PATJ: variants seen among roughly 807,000 people sequenced by gnomAD.
PATJ encodes the protein PATJ crumbs cell polarity complex component.
PATJ carries 190 observed loss-of-function variants against 224.9 expected under a neutral mutation model. That is an observed-to-expected ratio of 0.84 (90% CI 0.75 to 0.95). The LOEUF is 0.95. Among genes scored for constraint, PATJ ranks in the 40% least tolerant of loss-of-function variants. PATJ has a pLI of 0.00. For missense variants in PATJ, 2,121 were observed against 2,270.3 expected, an observed-to-expected ratio of 0.93 and a Z score of 1.34; for synonymous variants, 769 against 820.3, an observed-to-expected ratio of 0.94 and a Z score of 1.07.
chr1:62,028,765 C>T (rs1240357511), intron 29 of PATJ, among the ~76,000 whole-genome samples: 1 of 151,600 alleles, frequency 6.6e-6, no homozygotes, highest in African/African-American at 2.4e-5. Context: ...ACCTGGGCAA[C>T]AGAAGAAGAC....
chr1:62,079,471 C>G lies in PATJ; in HGVS notation c.4147C>G (p.Gln1383Glu). 1 of 1,613,030 alleles carries G rather than the reference C, an allele frequency of 6.2e-7. No homozygotes were observed. Among genetic ancestry groups the G allele is most frequent in the South Asian group, 1.1e-5 (1 of 91,006 alleles). Residue 1383 changes from glutamine to glutamate, a missense_variant, in exon 32 of 44, where the codon CAA becomes GAA. By Grantham distance (29) the Gln-to-Glu change is conservative (BLOSUM62 2). Coordinates refer to ENST00000642238, the MANE Select transcript of PATJ (RefSeq NM_001350145.3). ...FKLAVSQMKQ[Q>E]KYPTKVSFSS... ...GTAGGCTGTCAGCCAGATGAAACAG[C>G]AAAAATATCCAACAAAAGTCTCCTT...
intron 31 of PATJ, among the ~76,000 whole-genome samples, chr1:62,077,761 T>C (rs1366821962): frequency 6.6e-6 from 1 of 151,968 alleles, no homozygotes; most frequent in Non-Finnish European, 1.5e-5. Context: ...AATCATTGCC[T>C]ATCAGCTGTT....
Position 62,066,287 on chromosome 1 carries a change from AACTAATAAGTG to A in PATJ, c.4126-13162_4126-13152del, listed in dbSNP as rs1405485836. On this transcript the variant is annotated intron_variant, in intron 31 of 43. Transcript: ENST00000642238. ...TATAGATAAGGAAACTGAGACACTC[AACTAATAAGTG>A]TCATAGCCAAGATTTGAATCCAACT... Among the ~76,000 whole-genome samples, 6 of 152,228 alleles carry A rather than the reference AACTAATAAGTG, an allele frequency of 3.9e-5. No homozygotes were observed. The South Asian group carries it at 6.2e-4, about 16-fold the overall frequency.
chr1:61,952,208 C>A, intron 27 of PATJ: 1 of 482,990 alleles, frequency 2.1e-6, no homozygotes, highest in Admixed American at 3.4e-5. Context: ...ATTGCTTTTC[C>A]TGATATAAAT....
At chr1:61,791,324 A>G (rs1649815594) in intron 8 of PATJ, 24 bp from the exon 9 acceptor site, 1 of 1,396,096 alleles carries the variant, frequency 7.2e-7, no homozygotes. Context: ...AGCATATATA[A>G]TTAAATTTGT....
chr1:61,904,738 T>C (rs982047749), intron 24 of PATJ, among the ~76,000 whole-genome samples: 2 of 152,248 alleles, frequency 1.3e-5, no homozygotes, highest in Admixed American at 1.3e-4. Context: ...TTCTTCACTT[T>C]TGGTTGCCTC....
chr1:62,154,294 T>G (rs1313776422), intron 43 of PATJ, among the ~76,000 whole-genome samples: 2 of 151,558 alleles, frequency 1.3e-5, no homozygotes, highest in Non-Finnish European at 2.9e-5. Flanking sequence ...GATACTACAG[T>G]TTTTTTTTCT....
chr1:61,851,400 TG>T (rs751336267), intron 17 of PATJ, among the ~76,000 whole-genome samples: 4 of 152,098 alleles, frequency 2.6e-5, no homozygotes, highest in African/African-American at 7.2e-5. Context: ...CAAGTGGCAG[TG>T]GGTCAGGGAG....
intron 26 of PATJ, among the ~76,000 whole-genome samples, chr1:61,919,598 T>C (rs2482860): frequency 0.87 from 132,049 of 152,094 alleles, 57,396 homozygotes; most frequent in Admixed American, 0.9. Context: ...AGCCACTGCC[T>C]CTAGCCTAAG....
intron 31 of PATJ, among the ~76,000 whole-genome samples, chr1:62,065,910 C>T (rs574651416): frequency 6.6e-6 from 1 of 152,348 alleles, no homozygotes; most frequent in African/African-American, 2.4e-5. Flanking sequence ...TGCTTGGGCA[C>T]TGTTCTCTGA....
At chr1:61,927,008 A>G (rs1198530466) in intron 26 of PATJ, among the ~76,000 whole-genome samples, 1 of 151,822 alleles carries the variant, frequency 6.6e-6, no homozygotes, top group Non-Finnish European at 1.5e-5. Context: ...GGCATGTTTT[A>G]TTTTTCCCAG....
At chr1:61,808,925 T>G (rs1273685462) in intron 14 of PATJ, among the ~76,000 whole-genome samples, 4 of 152,194 alleles carry the variant, frequency 2.6e-5, no homozygotes, top group Non-Finnish European at 5.9e-5. Flanking sequence ...AGTAACATTG[T>G]GCAGTGTGCG....
chr1:61,987,608 G>C (rs544060618), intron 27 of PATJ, among the ~76,000 whole-genome samples: 9 of 152,232 alleles, frequency 5.9e-5, no homozygotes, highest in Non-Finnish European at 1.2e-4. Flanking sequence ...ATCCCTGGGG[G>C]ACTCTATGGC....
At chr1:62,083,583 A>C (rs1659559986) in intron 32 of PATJ, among the ~76,000 whole-genome samples, 1 of 152,222 alleles carries the variant, frequency 6.6e-6, no homozygotes, top group Admixed American at 6.5e-5. Context: ...TGTTTTTAAA[A>C]ATAAACCTTT....
intron 22 of PATJ, among the ~76,000 whole-genome samples, chr1:61,893,957 A>T (rs915133549): frequency 5.3e-5 from 8 of 151,916 alleles, no homozygotes; most frequent in African/African-American, 1.9e-4. Context: ...TCTTATTTCA[A>T]TTAATATTTA....
chr1:61,817,548 C>T (rs1462065942), intron 14 of PATJ, among the ~76,000 whole-genome samples: 2 of 152,122 alleles, frequency 1.3e-5, no homozygotes, highest in African/African-American at 4.8e-5. Flanking sequence ...CCTGTAATCC[C>T]AGCTGCTGGG....
intron 43 of PATJ, 27 bp from the exon 44 acceptor site, chr1:62,160,881 T>C: frequency 6.2e-7 from 1 of 1,612,572 alleles, no homozygotes; most frequent in Non-Finnish European, 8.5e-7. Flanking sequence ...TTACCCTGGA[T>C]TAAACTGAAA....
At chr1:61,942,306 A>G (rs531629779) in intron 27 of PATJ, among the ~76,000 whole-genome samples, 11 of 152,348 alleles carry the variant, frequency 7.2e-5, no homozygotes, top group African/African-American at 2.6e-4. Context: ...GCTCATAATA[A>G]GAAAACAACT....
intron 22 of PATJ, among the ~76,000 whole-genome samples, chr1:61,887,437 T>G (rs1669046763): frequency 6.6e-6 from 1 of 152,204 alleles, no homozygotes; most frequent in South Asian, 2.1e-4. Context: ...GCTAATAAAG[T>G]AGGCATTAAA....
Sources: gnomAD v4.1 joint callset for allele counts (sites outside exome capture counted in the v4.1 genomes callset) on GRCh38, gnomAD v4.1.1 for gene constraint, MANE v1.5 for transcripts, NCBI Gene and HGNC (gene_info 2026-07-23, HGNC 2026-07-21) for gene names.